Variants in PCDH11X observed in about 807,000 individuals in gnomAD.
The protein encoded by PCDH11X is protocadherin 11 X-linked, also known as protocadherin-11 X-linked.
PCDH11X carries 18 observed loss-of-function variants against 53.3 expected under a neutral mutation model. That is an observed-to-expected ratio of 0.34 (90% CI 0.23 to 0.50). The LOEUF is 0.50. Ranked by LOEUF, PCDH11X falls within the 20% of genes least tolerant of loss-of-function variation. PCDH11X has a pLI of 0.98. For missense variants in PCDH11X, 570 were observed against 1,032.4 expected, an observed-to-expected ratio of 0.55 and a Z score of 6.14; for synonymous variants, 279 against 393.3, an observed-to-expected ratio of 0.71 and a Z score of 3.44.
chrX:91,803,142 A>G (rs980097672), intron 1 of PCDH11X, among the ~76,000 whole-genome samples: 7 of 111,997 alleles, frequency 6.3e-5, no homozygotes, highest in Admixed American at 5.7e-4. Context: ...TCAATTACTT[A>G]TTGAATGAAT....
intron 6 of PCDH11X, among the ~76,000 whole-genome samples, chrX:92,025,989 T>TA (rs908729964): frequency 3.6e-5 from 4 of 110,850 alleles, no homozygotes; most frequent in African/African-American, 1.3e-4. Context: ...AAGTGAGAGC[T>TA]AAACAAGGAG....
chrX:92,375,427 C>T (rs947472290), intron 8 of PCDH11X, among the ~76,000 whole-genome samples: 11 of 100,494 alleles, frequency 1.1e-4, no homozygotes, highest in African/African-American at 4.0e-4. Flanking sequence ...ATCCACCCTC[C>T]TCGGCCTCCC....
At chrX:92,113,458 C>A in intron 6 of PCDH11X, 1 of 1,204,145 alleles carries the variant, frequency 8.3e-7, no homozygotes. Flanking sequence ...CACATCAATG[C>A]CTCTGGCCAG....
At chrX:92,392,181 A>G (rs1213325908) in intron 9 of PCDH11X, among the ~76,000 whole-genome samples, 5 of 111,173 alleles carry the variant, frequency 4.5e-5, no homozygotes, top group Non-Finnish European at 9.5e-5. Context: ...AAAAAAGTTA[A>G]TGCTTTTCCT....
rs745623066 is a variant in PCDH11X at position 92,526,748 on chromosome X, G to T, written c.3367+58426G>T. 7.6e-3 allele frequency among the ~76,000 whole-genome samples: 771 copies of T among 101,086 alleles called. 6 individuals carry two copies. Among genetic ancestry groups the T allele is most frequent in the African/African-American group, 0.027 (740 of 27,735 alleles). 87.8% of individuals were successfully genotyped at this position (101,086 alleles called of 115,157 possible). On this transcript the variant is annotated intron_variant, in intron 10 of 10. Transcript: ENST00000682573. ...GTTCCCTCAAAAAAACAAAAATTGA[G>T]CTACCATATGATCCAGCAATCCCAT... is the stretch of plus-strand genomic sequence containing the variant.
intron 6 of PCDH11X, among the ~76,000 whole-genome samples, chrX:92,196,831 AGGTGGAGAGAGAATGAGAGAGG>A (rs1267916310): frequency 3.6e-5 from 4 of 110,550 alleles, no homozygotes; most frequent in Non-Finnish European, 7.6e-5. Context: ...GGGGAGATAG[AGGTGGAGAGAGAATGAGAGAGG>A]GGTGGAGAGA....
At chrX:92,479,521 C>T in intron 10 of PCDH11X, among the ~76,000 whole-genome samples, 1 of 106,324 alleles carries the variant, frequency 9.4e-6, no homozygotes, top group Non-Finnish European at 1.9e-5. Context: ...ATATTTAGTG[C>T]TTCTATCAGA....
intron 4 of PCDH11X, among the ~76,000 whole-genome samples, chrX:91,819,778 G>A (rs1332865693): frequency 3.0e-5 from 3 of 98,776 alleles, no homozygotes; most frequent in South Asian, 5.0e-4. Flanking sequence ...CCACTAACTC[G>A]TCATCTAGCA....
At chrX:91,872,558 C>A (rs1939383317) in intron 5 of PCDH11X, among the ~76,000 whole-genome samples, 1 of 110,840 alleles carries the variant, frequency 9.0e-6, no homozygotes, top group Non-Finnish European at 1.9e-5. Context: ...TATTACCCTA[C>A]ACTCACATTA....
chrX:91,967,303 G>A (rs2061880286), intron 6 of PCDH11X, among the ~76,000 whole-genome samples: 1 of 110,281 alleles, frequency 9.1e-6, no homozygotes. Flanking sequence ...CCTATCCATG[G>A]CCTGTTAGGA....
At chrX:92,267,353 C>T (rs1317103572) in intron 8 of PCDH11X, among the ~76,000 whole-genome samples, 4 of 111,919 alleles carry the variant, frequency 3.6e-5, no homozygotes, top group Non-Finnish European at 5.6e-5. Flanking sequence ...AGTATATTTC[C>T]GATTTCTCTA....
At chrX:92,029,786 GA>G (rs2063019687) in intron 6 of PCDH11X, among the ~76,000 whole-genome samples, 1 of 111,411 alleles carries the variant, frequency 9.0e-6, no homozygotes, top group Non-Finnish European at 1.9e-5. Context: ...GTTGCTTAAT[GA>G]ACATTGCATT....
At chrX:91,956,707 C>A (rs2061715307) in intron 6 of PCDH11X, among the ~76,000 whole-genome samples, 1 of 110,478 alleles carries the variant, frequency 9.1e-6, no homozygotes, top group South Asian at 4.0e-4. Context: ...CCATTTTGAT[C>A]TTGGATAATC....
chrX:92,256,644 G>C (rs367662389), intron 7 of PCDH11X, among the ~76,000 whole-genome samples: 1 of 111,241 alleles, frequency 9.0e-6, no homozygotes, highest in Non-Finnish European at 1.9e-5. Flanking sequence ...TTGCTGCACA[G>C]ATCATCTCAT....
intron 10 of PCDH11X, among the ~76,000 whole-genome samples, chrX:92,490,794 AAG>A (rs2073749159): frequency 9.1e-6 from 1 of 109,329 alleles, no homozygotes; most frequent in Non-Finnish European, 1.9e-5. Context: ...AAAGAAAAGA[AAG>A]AGAAAGAAAG....
intron 8 of PCDH11X, among the ~76,000 whole-genome samples, chrX:92,327,334 A>G (rs2069362011): frequency 2.1e-5 from 2 of 95,610 alleles, no homozygotes; most frequent in Admixed American, 2.3e-4. Flanking sequence ...TTTAAAAAAA[A>G]AAAAAGCTTT....
intron 6 of PCDH11X, among the ~76,000 whole-genome samples, chrX:92,131,204 A>G (rs1291288758): frequency 8.9e-6 from 1 of 112,206 alleles, no homozygotes; most frequent in Non-Finnish European, 1.9e-5. Flanking sequence ...GTTTTATTCT[A>G]TTAACTGTGA....
chrX:92,329,860 G>A (rs941491080), intron 8 of PCDH11X, among the ~76,000 whole-genome samples: 84 of 111,202 alleles, frequency 7.6e-4, no homozygotes, highest in Non-Finnish European at 1.1e-3. Flanking sequence ...AAGTAAGGAT[G>A]GTTAATGGGT....
At chrX:92,073,732 G>A (rs928964492) in intron 6 of PCDH11X, among the ~76,000 whole-genome samples, 2 of 112,061 alleles carry the variant, frequency 1.8e-5, no homozygotes. Flanking sequence ...GAGTCTAAAT[G>A]AGGCAGGTAG....
Sources: gnomAD v4.1 joint callset for allele counts (sites outside exome capture counted in the v4.1 genomes callset) on GRCh38, gnomAD v4.1.1 for gene constraint, MANE v1.5 for transcripts, NCBI Gene and HGNC (gene_info 2026-07-23, HGNC 2026-07-21) for gene names.